Variants in CCDC88C observed in about 807,000 individuals in gnomAD.
CCDC88C encodes the protein protein Daple.
In CCDC88C, 131 loss-of-function variants were observed where a neutral mutation model predicts 198.8. That is an observed-to-expected ratio of 0.66 (90% confidence interval 0.57 to 0.76). CCDC88C has a LOEUF of 0.76. Ranked by LOEUF, CCDC88C falls within the 30% of genes least tolerant of loss-of-function variation. The pLI, the probability that CCDC88C is intolerant of heterozygous loss-of-function variation, is 0.00. For missense variants in CCDC88C, 2,553 were observed against 2,631.6 expected, an observed-to-expected ratio of 0.97 and a Z score of 0.65; for synonymous variants, 1,166 against 1,114.7, an observed-to-expected ratio of 1.05 and a Z score of -0.92.
intron 4 of CCDC88C, among the ~76,000 whole-genome samples, chr14:91,344,969 T>A (rs12883156): frequency 2.0e-4 from 30 of 151,344 alleles, no homozygotes; most frequent in African/African-American, 7.3e-4. Context: ...CTAACTTTTG[T>A]ATTTTTTGTA....
intron 29 of CCDC88C, among the ~76,000 whole-genome samples, chr14:91,276,325 G>A (rs1353014803): frequency 1.3e-5 from 2 of 152,250 alleles, no homozygotes; most frequent in African/African-American, 2.4e-5. Flanking sequence ...CTAACTTCTC[G>A]AGGGCAGGCC....
At chr14:91,303,654 T>G (rs1281194908) in intron 20 of CCDC88C, 47 bp downstream of exon 20, 1 of 1,462,466 alleles carries the variant, frequency 6.8e-7, no homozygotes, top group Non-Finnish European at 9.1e-7. Context: ...CAGCCTCTCC[T>G]CTGGACTCTA....
At chr14:91,396,163 A>G (rs1003570973) in intron 3 of CCDC88C, among the ~76,000 whole-genome samples, 1 of 152,160 alleles carries the variant, frequency 6.6e-6, no homozygotes, top group Non-Finnish European at 1.5e-5. Context: ...AATAACAAAA[A>G]CTGTTACGAG....
chr14:91,277,203 T>C (rs995527163), intron 29 of CCDC88C, among the ~76,000 whole-genome samples: 2 of 147,690 alleles, frequency 1.4e-5, no homozygotes, highest in Admixed American at 1.3e-4. Flanking sequence ...GACGGGTGTA[T>C]TTTTTGTAGA....
chr14:91,289,467 G>A, intron 24 of CCDC88C, 124 bp from the exon 25 acceptor site: 1 of 833,680 alleles, frequency 1.2e-6, no homozygotes, highest in Admixed American at 1.7e-5. Context: ...CTCACGTGGG[G>A]TTCAGGACAA....
chr14:91,326,137 T>C, intron 10 of CCDC88C, 81 bp from the exon 11 acceptor site: 3 of 1,311,126 alleles, frequency 2.3e-6, no homozygotes, highest in Non-Finnish European at 2.1e-6. Flanking sequence ...CCAAAACTCT[T>C]TCAGGCATCT....
chr14:91,412,793 A>G, intron 2 of CCDC88C, among the ~76,000 whole-genome samples: 1 of 152,300 alleles, frequency 6.6e-6, no homozygotes, highest in East Asian at 1.9e-4. Context: ...CAGCCAAAAG[A>G]TGGAAATTAC....
Position 91,379,989 on chromosome 14 carries a change from GCGAGCCCA to G in CCDC88C, c.271-20286_271-20279del, listed in dbSNP as rs72135883. 5,303 of 677,120 alleles carry G rather than the reference GCGAGCCCA, an allele frequency of 7.8e-3. 91 individuals carry two copies. Among genetic ancestry groups the G allele is most frequent in the African/African-American group, 0.041 (2,316 of 55,924 alleles). 41.9% of individuals were successfully genotyped at this position (677,120 alleles called of 1,614,324 possible). On this transcript the variant is annotated intron_variant, in intron 3 of 29. Coordinates refer to ENST00000389857, the MANE Select transcript of CCDC88C (RefSeq NM_001080414.4). ...AAGGGGTAAAACTGTTGGGAACTGCGCGAGCCCACCGTGAGAACCAACTCCACGCTGAA... is the reference window on the plus strand; with the variant it reads ...AAGGGGTAAAACTGTTGGGAACTGCGCCGTGAGAACCAACTCCACGCTGAA...
At chr14:91,283,879 T>C (rs1890300173) in intron 25 of CCDC88C, among the ~76,000 whole-genome samples, 1 of 152,172 alleles carries the variant, frequency 6.6e-6, no homozygotes, top group African/African-American at 2.4e-5. Context: ...TGTCCGGAAC[T>C]CCAATCCCTG....
chr14:91,340,827 C>T (rs1463264281), intron 6 of CCDC88C, among the ~76,000 whole-genome samples: 1 of 152,052 alleles, frequency 6.6e-6, no homozygotes, highest in South Asian at 2.1e-4. Flanking sequence ...CCTAGTAAGA[C>T]CCCATCTCTA....
chr14:91,360,252 T>TCACACACACA (rs57026211), intron 3 of CCDC88C, among the ~76,000 whole-genome samples: 16,701 of 144,064 alleles, frequency 0.12, 1,082 homozygotes, highest in Non-Finnish European at 0.15. Flanking sequence ...GACCCCATCT[T>TCACACACACA]CACACACACA....
chr14:91,379,507 A>C, intron 3 of CCDC88C: 1 of 389,996 alleles, frequency 2.6e-6, no homozygotes. Context: ...CTGGGCCCAC[A>C]CATGTGCTGT....
chr14:91,332,136 G>A (rs991052917), intron 10 of CCDC88C, among the ~76,000 whole-genome samples: 2 of 152,172 alleles, frequency 1.3e-5, no homozygotes, highest in Non-Finnish European at 2.9e-5. Context: ...CATCCACTCC[G>A]CTCAGGATGC....
At chr14:91,293,553 C>CTCACCTGCCACAGCTCACCTTCCCAT (rs1567055867) in intron 23 of CCDC88C, among the ~76,000 whole-genome samples, 1 of 50,204 alleles carries the variant, frequency 2.0e-5, no homozygotes, top group Non-Finnish European at 5.0e-5. Context: ...CCTTCCTGTC[C>CTCACCTGCCACAGCTCACCTTCCCAT]CCTCGCCTGC....
chr14:91,416,009 C>G (rs1222247446), intron 2 of CCDC88C, among the ~76,000 whole-genome samples: 1 of 152,214 alleles, frequency 6.6e-6, no homozygotes, highest in Admixed American at 6.5e-5. Context: ...TCCAATGTTC[C>G]CTGCAGTTTG....
Position 91,294,278 on chromosome 14 carries a change from T to A in CCDC88C, c.4007A>T (p.His1336Leu), listed in dbSNP as rs370678894. Reference protein sequence around the residue: ...RLKGNLEEENHHLLSQIQLLS... With the variant: ...RLKGNLEEENLHLLSQIQLLS... ...CAGCTGGATCTGGCTCAGGAGGTGA[T>A]GATTTTCTTCCTCCAAGTTCCCCTT... Residue 1336 changes from histidine to leucine, a missense_variant, in exon 23 of 30, where the codon CAT (histidine) becomes CTT (leucine). Coordinates refer to ENST00000389857, the MANE Select transcript of CCDC88C (RefSeq NM_001080414.4). 4 of 1,613,898 alleles carry A rather than the reference T, an allele frequency of 2.5e-6. No homozygotes were observed. Among genetic ancestry groups the A allele is most frequent in the Non-Finnish European group, 3.4e-6 (4 of 1,179,898 alleles).
Position 91,338,890 on chromosome 14 carries a change from G to T in CCDC88C, c.810-320C>A. 1 of 479,582 alleles carries T rather than the reference G, an allele frequency of 2.1e-6. No homozygotes were observed. Among genetic ancestry groups the T allele is most frequent in the Non-Finnish European group, 3.8e-6 (1 of 261,282 alleles). 29.7% of individuals were successfully genotyped at this position (479,582 alleles called of 1,614,324 possible). The stretch of plus-strand genomic sequence containing the variant: ...GCTCCACAGGTGACATCCATCAGCT[G>T]CAGGAAACCTGGGAGAACAGGCTCA... On this transcript the variant is annotated intron_variant, in intron 8 of 29. Transcript: ENST00000389857. The surrounding 1 kb of genome is among the most constrained non-coding windows in gnomAD (Gnocchi z 4.8).
intron 18 of CCDC88C, 75 bp downstream of exon 18, chr14:91,306,963 C>T (rs1447421633): frequency 7.1e-7 from 1 of 1,405,944 alleles, no homozygotes; most frequent in Non-Finnish European, 9.5e-7. Flanking sequence ...AATGACAAGT[C>T]ATCAATGGGA....
Position 91,338,983 on chromosome 14 carries a change from C to T in CCDC88C, c.809+295G>A, listed in dbSNP as rs975358572. 2.5e-5 allele frequency: 13 copies of T among 527,950 alleles called. No homozygotes were observed. The highest frequency in any genetic ancestry group is 4.0e-5 in the South Asian group (2 of 49,668). 32.7% of individuals were successfully genotyped at this position (527,950 alleles called of 1,614,324 possible). On this transcript the variant is annotated intron_variant, in intron 8 of 29. Coordinates refer to ENST00000389857, the MANE Select transcript of CCDC88C (RefSeq NM_001080414.4). This position sits in a 1 kb window ranked among gnomAD's most constrained non-coding sequence, Gnocchi z 4.8. ...GAAAACACATCAGGTGTGGTCGTCC[C>T]GGCCCCAAGCTGGAGCTGAGCGTGG...
Sources: gnomAD v4.1 joint callset for allele counts (sites outside exome capture counted in the v4.1 genomes callset) on GRCh38, gnomAD v4.1.1 for gene constraint, Gnocchi (gnomAD v3.1) non-coding constraint, MANE v1.5 for transcripts, NCBI Gene and HGNC (gene_info 2026-07-23, HGNC 2026-07-21) for gene names.